The following ERC2 variants were observed in gnomAD, a reference collection of about 807,000 sequenced individuals.
ERC2 encodes ERC protein 2.
A neutral mutation model predicts 114.8 loss-of-function variants in ERC2; 42 were observed. That is an observed-to-expected ratio of 0.37 (90% CI 0.29 to 0.47). The LOEUF (loss-of-function observed/expected upper bound fraction) is 0.47. Among genes scored for constraint, ERC2 ranks in the 20% least tolerant of loss-of-function variants. ERC2 has a pLI of 0.99. For missense variants in ERC2, 939 were observed against 1,150.7 expected, an observed-to-expected ratio of 0.82 and a Z score of 2.66; for synonymous variants, 454 against 425.5, an observed-to-expected ratio of 1.07 and a Z score of -0.82.
At chr3:55,521,224 TG>T (rs1448534117) in intron 17 of ERC2, among the ~76,000 whole-genome samples, 3 of 152,232 alleles carry the variant, frequency 2.0e-5, no homozygotes, top group Non-Finnish European at 2.9e-5. Context: ...GTCGGCCACC[TG>T]GGTCCAGGCG....
At chr3:56,301,510 T>TC (rs2055872858) in intron 2 of ERC2, among the ~76,000 whole-genome samples, 1 of 152,080 alleles carries the variant, frequency 6.6e-6, no homozygotes, top group Non-Finnish European at 1.5e-5. Flanking sequence ...CCCTCTTCTC[T>TC]CCCCCTCCTA....
intron 3 of ERC2, among the ~76,000 whole-genome samples, chr3:56,205,275 A>G (rs1441130996): frequency 6.6e-6 from 1 of 152,190 alleles, no homozygotes; most frequent in Non-Finnish European, 1.5e-5. Flanking sequence ...CCTGTGTTCC[A>G]TAATCATGTG....
chr3:55,680,345 G>A (rs2061998359), intron 17 of ERC2, among the ~76,000 whole-genome samples: 1 of 152,182 alleles, frequency 6.6e-6, no homozygotes, highest in Non-Finnish European at 1.5e-5. Flanking sequence ...CAAATGTCGA[G>A]GCAGAGGTGG....
chr3:55,878,265 C>T (rs137854961), intron 14 of ERC2, among the ~76,000 whole-genome samples: 9 of 152,282 alleles, frequency 5.9e-5, no homozygotes, highest in African/African-American at 2.2e-4. Flanking sequence ...TCCCTTTTGA[C>T]TGACATTTTT....
Position 56,209,242 on chromosome 3 carries a change from C to G in ERC2, c.1075-35722G>C, listed in dbSNP as rs117227362. The stretch of plus-strand genomic sequence containing the variant: ...CCTTCCTTGTCTTGAATCTGCACCC[C>G]TGCTCCACCTCCCATCTATTTGCTC... On this transcript the variant is annotated intron_variant, in intron 3 of 17. Coordinates refer to ENST00000288221, the MANE Select transcript of ERC2 (RefSeq NM_015576.3). Among the ~76,000 whole-genome samples, 391 of 152,256 alleles carry G rather than the reference C, an allele frequency of 2.6e-3. 1 individual carries two copies. The highest frequency in any genetic ancestry group is 0.018 in the South Asian group (86 of 4,818).
intron 17 of ERC2, among the ~76,000 whole-genome samples, chr3:55,568,181 T>C (rs998559873): frequency 1.7e-4 from 26 of 152,194 alleles, no homozygotes; most frequent in Non-Finnish European, 2.9e-4. Flanking sequence ...GAGACAGAAA[T>C]CTCATGTTCT....
chr3:55,869,664 T>C (rs1191934576), intron 14 of ERC2, among the ~76,000 whole-genome samples: 1 of 152,114 alleles, frequency 6.6e-6, no homozygotes, highest in Non-Finnish European at 1.5e-5. Context: ...GGTCTTTCCT[T>C]CCCAGAGCAC....
chr3:56,139,581 G>A lies in ERC2; in HGVS notation c.1401C>T (p.Cys467=), dbSNP rs999238715. 2.5e-6 allele frequency: 4 copies of A among 1,613,738 alleles called. No homozygotes were observed. The highest frequency in any genetic ancestry group is 8.5e-7 in the Non-Finnish European group (1 of 1,179,902). ...LETLSNQNSD[C]KQHIEVLKES... is the part of the protein sequence containing the mutation. ...CTTTGAGCACTTCAATGTGTTGCTT[G>A]CAATCTGAATTTTGATTGCTGAGGG... Residue 467 remains cysteine, a synonymous_variant, in exon 6 of 18, where the codon TGC becomes TGT. Transcript: ENST00000288221.
At chr3:56,457,774 G>A (rs918781008) in intron 1 of ERC2, among the ~76,000 whole-genome samples, 3 of 152,244 alleles carry the variant, frequency 2.0e-5, no homozygotes, top group Admixed American at 2.0e-4. Context: ...CCTAGTGCAT[G>A]CTATTCCCCC....
intron 6 of ERC2, among the ~76,000 whole-genome samples, chr3:56,084,867 T>TAAAAAAAAA (rs35491624): frequency 4.5e-5 from 6 of 133,042 alleles, no homozygotes; most frequent in Non-Finnish European, 4.8e-5. Context: ...ATTTAAAAAT[T>TAAAAAAAAA]AAAAAAAAAA....
At chr3:55,783,004 C>A (rs975286375) in intron 14 of ERC2, among the ~76,000 whole-genome samples, 4 of 152,186 alleles carry the variant, frequency 2.6e-5, no homozygotes, top group Non-Finnish European at 5.9e-5. Context: ...GACTCCAGAG[C>A]CGGAAACAGC....
intron 2 of ERC2, among the ~76,000 whole-genome samples, chr3:56,311,819 ATG>A (rs10536094): frequency 0.57 from 81,737 of 142,702 alleles, 23,130 homozygotes; most frequent in East Asian, 0.68. Context: ...ATACATATAA[ATG>A]TGTGTGTGTG....
At position 55,936,445 on chromosome 3, in the gene ERC2, T is replaced by A. The variant is rs140310294; in HGVS notation, c.2403+13980A>T. Among the ~76,000 whole-genome samples, 259 of 152,330 alleles carry A rather than the reference T, an allele frequency of 1.7e-3. 1 individual carries two copies. Among genetic ancestry groups the A allele is most frequent in the Non-Finnish European group, 2.5e-3 (171 of 68,022 alleles). ...AAAGACAGATAAGTATACAAATAAC[T>A]GTACATTATTATTTTAGGCTGTGAT... On this transcript the variant is annotated intron_variant, in intron 13 of 17. Transcript: ENST00000288221.
chr3:56,344,308 A>G (rs1040281604), intron 2 of ERC2, among the ~76,000 whole-genome samples: 18 of 152,150 alleles, frequency 1.2e-4, no homozygotes, highest in African/African-American at 4.3e-4. Context: ...TTGCCCTGGC[A>G]AACACCTTCC....
At chr3:55,649,961 G>A (rs1284581945) in intron 17 of ERC2, among the ~76,000 whole-genome samples, 1 of 152,210 alleles carries the variant, frequency 6.6e-6, no homozygotes, top group East Asian at 1.9e-4. Context: ...GGGCCGGCAG[G>A]GAGGGGCACA....
intron 17 of ERC2, among the ~76,000 whole-genome samples, chr3:55,601,342 C>T (rs2058393845): frequency 6.6e-6 from 1 of 152,116 alleles, no homozygotes; most frequent in Admixed American, 6.5e-5. Flanking sequence ...CAGAAATTGC[C>T]CTTTTATTTT....
At chr3:56,346,644 A>G (rs559200335) in intron 2 of ERC2, among the ~76,000 whole-genome samples, 2 of 152,374 alleles carry the variant, frequency 1.3e-5, no homozygotes, top group South Asian at 4.1e-4. Flanking sequence ...CCAATGGGCT[A>G]TACAGTTTGT....
intron 16 of ERC2, among the ~76,000 whole-genome samples, chr3:55,684,132 G>A (rs2062203742): frequency 6.6e-6 from 1 of 152,148 alleles, no homozygotes; most frequent in African/African-American, 2.4e-5. Flanking sequence ...CGGATTAGAA[G>A]ATTAAAATTA....
chr3:55,950,826 T>C (rs1249255142), intron 12 of ERC2, among the ~76,000 whole-genome samples: 2 of 152,166 alleles, frequency 1.3e-5, no homozygotes, highest in Non-Finnish European at 2.9e-5. Flanking sequence ...GTGGGCAAGA[T>C]GGACAAGTAC....
Sources: gnomAD v4.1 joint callset for allele counts (sites outside exome capture counted in the v4.1 genomes callset) on GRCh38, gnomAD v4.1.1 for gene constraint, MANE v1.5 for transcripts, NCBI Gene and HGNC (gene_info 2026-07-23, HGNC 2026-07-21) for gene names.